Variants in UBE4A observed in about 807,000 individuals in gnomAD.
UBE4A encodes the protein ubiquitin conjugation factor E4 A.
A neutral mutation model predicts 117.9 loss-of-function variants in UBE4A; 48 were observed. The ratio of observed to expected loss-of-function variants is 0.41; its 90% CI spans 0.32 to 0.52. The LOEUF (loss-of-function observed/expected upper bound fraction) is 0.52, where lower values mean the gene tolerates loss of function less well. Ranked by LOEUF, UBE4A falls within the 20% of genes least tolerant of loss-of-function variation. The pLI, the probability that UBE4A is intolerant of heterozygous loss-of-function variation, is 0.33. For missense variants in UBE4A, 1,067 were observed against 1,296.3 expected (o/e 0.82, Z 2.72); for synonymous variants, 407 against 450.0 (o/e 0.90, Z 1.21).
intron 16 of UBE4A, among the ~76,000 whole-genome samples, chr11:118,388,983 A>T (rs987064248): frequency 1.3e-5 from 2 of 151,950 alleles, no homozygotes; most frequent in Non-Finnish European, 2.9e-5. Flanking sequence ...ATAAAAAATA[A>T]TTTTTTTAAA....
chr11:118,376,697 A>C lies in UBE4A; in HGVS notation c.1571+3A>C, dbSNP rs1555125434. 29 of 1,613,304 alleles carry C rather than the reference A, an allele frequency of 1.8e-5. No homozygotes were observed. Among genetic ancestry groups the C allele is most frequent in the Non-Finnish European group, 2.5e-5 (29 of 1,179,690 alleles). On this transcript the variant is annotated splice_donor_region_variant and intron_variant, in intron 10 of 19. Transcript: ENST00000252108. ...ACCTTGTACTTGGGATTTCACAGGT[A>C]ACTCCTCTGATGTCATTAGGAAAAA...
chr11:118,365,633 A>G (rs1948556909), intron 2 of UBE4A, among the ~76,000 whole-genome samples: 1 of 152,248 alleles, frequency 6.6e-6, no homozygotes, highest in Non-Finnish European at 1.5e-5. Context: ...GAAGAACTAT[A>G]AAAGCTTTTT....
At position 118,392,794 on chromosome 11, in the gene UBE4A, G is replaced by A. The variant is rs782033596; in HGVS notation, c.2973G>A (p.Glu991=). ...AAACCTATGCAGATGCCTGTGATGA[G>A]TTCCTGGATCCCATTATGAGCACAC... ...EEETYADACD[E]FLDPIMSTLM... The change falls in exon 19 of 20, where the codon GAG becomes GAA. Residue 991 remains glutamate, a synonymous_variant. Coordinates refer to ENST00000252108, the MANE Select transcript of UBE4A (RefSeq NM_001204077.2). 3 of 1,614,008 alleles carry A rather than the reference G, an allele frequency of 1.9e-6. No homozygotes were observed. In the African/African-American group the frequency reaches 4.0e-5, roughly 22 times the overall value.
intron 9 of UBE4A, 60 bp from the exon 10 acceptor site, chr11:118,376,514 T>C (rs1948653731): frequency 6.3e-7 from 1 of 1,592,582 alleles, no homozygotes; most frequent in South Asian, 1.1e-5. Context: ...ATTGAATGAG[T>C]GTAAGAGGAG....
intron 15 of UBE4A, among the ~76,000 whole-genome samples, chr11:118,385,798 T>A (rs1555127105): frequency 6.6e-6 from 1 of 152,226 alleles, no homozygotes; most frequent in Non-Finnish European, 1.5e-5. Context: ...GATTTCTTCA[T>A]AATCCTACGC....
intron 1 of UBE4A, among the ~76,000 whole-genome samples, chr11:118,362,209 G>A (rs1212482296): frequency 1.3e-5 from 2 of 152,202 alleles, no homozygotes; most frequent in East Asian, 1.9e-4. Flanking sequence ...TGCAACCTCC[G>A]CCTCCCAGGT....
chr11:118,389,417 ATGTC>A (rs1174594795), intron 16 of UBE4A, among the ~76,000 whole-genome samples: 1 of 152,228 alleles, frequency 6.6e-6, no homozygotes, highest in South Asian at 2.1e-4. Context: ...TGTTTAAAAA[ATGTC>A]TGTGTGTGTG....
chr11:118,392,984 A>T, intron 19 of UBE4A, 89 bp downstream of exon 19: 1 of 1,310,960 alleles, frequency 7.6e-7, no homozygotes, highest in Non-Finnish European at 1.0e-6. Context: ...AGTACTTTGC[A>T]CCCAACACAT....
chr11:118,364,943 G>A (rs1948551042), intron 1 of UBE4A, 97 bp from the exon 2 acceptor site: 2 of 1,147,984 alleles, frequency 1.7e-6, no homozygotes, highest in Admixed American at 3.1e-5. Context: ...ATTTTAAAAT[G>A]TATTGTATTT....
chr11:118,384,155 A>G lies in UBE4A; in HGVS notation c.2198-480A>G, dbSNP rs143737104. On this transcript the variant is annotated intron_variant, in intron 13 of 19. Transcript: ENST00000252108. ...CTCTAGTAATACCTTTGGTATTTCA[A>G]AAGCAGTATAAGCCTCAGATTTTTA... Among the ~76,000 whole-genome samples, 212 of 152,322 alleles carry G rather than the reference A, an allele frequency of 1.4e-3. 1 individual carries two copies. The highest frequency in any genetic ancestry group is 4.6e-3 in the African/African-American group (191 of 41,568).
intron 2 of UBE4A, among the ~76,000 whole-genome samples, chr11:118,366,656 C>T (rs1280095320): frequency 1.3e-5 from 2 of 152,232 alleles, no homozygotes; most frequent in Non-Finnish European, 2.9e-5. Flanking sequence ...ACTGAAACAA[C>T]TCTTACTTTG....
rs1555126506 is a variant in UBE4A at position 118,382,622 on chromosome 11, A to C, written c.2043A>C (p.Ala681=). ...ATCCCCACCTGAGGGCCAAACTAGC[A>C]GAGGTGTTGGAAGCAGTGATGCCCC... is the stretch of plus-strand genomic sequence containing the variant. ...MKNPHLRAKL[A]EVLEAVMPHL... The change falls in exon 13 of 20, where the codon GCA becomes GCC. Residue 681 remains alanine (A), a synonymous_variant. Transcript: ENST00000252108. The C allele has an allele frequency of 1.3e-6, 2 of 1,579,288 alleles. No individual in the cohort carries two copies. The highest frequency in any genetic ancestry group is 1.7e-6 in the Non-Finnish European group (2 of 1,157,912).
intron 11 of UBE4A, among the ~76,000 whole-genome samples, chr11:118,380,755 T>C (rs1199767644): frequency 6.6e-6 from 1 of 152,108 alleles, no homozygotes; most frequent in African/African-American, 2.4e-5. Context: ...CCCAGTCATG[T>C]GGTTGTTGAC....
chr11:118,368,086 A>C (rs1184065238), intron 2 of UBE4A, among the ~76,000 whole-genome samples: 3 of 152,180 alleles, frequency 2.0e-5, no homozygotes, highest in Non-Finnish European at 2.9e-5. Context: ...GCTGATTAAA[A>C]GGCAAGCTGA....
rs187083625 is a variant in UBE4A at position 118,388,414 on chromosome 11, G to A, written c.2588-1311G>A. Among the ~76,000 whole-genome samples, 193 of 151,996 alleles carry A rather than the reference G, an allele frequency of 1.3e-3. 1 individual carries two copies. The highest frequency in any genetic ancestry group is 4.5e-3 in the African/African-American group (187 of 41,460). ...GCCTGTAATCCCAGCACTTTGGGAG[G>A]TCGAGGCAAGCAGATCACAAGGTCA... On this transcript the variant is annotated intron_variant, in intron 16 of 19. Coordinates refer to ENST00000252108, the MANE Select transcript of UBE4A (RefSeq NM_001204077.2).
At position 118,392,749 on chromosome 11, in the gene UBE4A, C is replaced by T. The variant is rs111406616; in HGVS notation, c.2928C>T (p.Asp976=). The T allele has an allele frequency of 5.0e-6, 8 of 1,613,760 alleles. No individual in the cohort carries two copies. Among genetic ancestry groups the T allele is most frequent in the African/African-American group, 2.7e-5 (2 of 74,900 alleles). The change falls in exon 19 of 20, where the codon GAC becomes GAT. Residue 976 remains aspartate (D), a synonymous_variant. Transcript: ENST00000252108. The stretch of plus-strand genomic sequence containing the variant: ...TGTTGTATACTCAGTCTCTTGCAGA[C>T]CTCCAACAACAGGAAGAGGAAACCT... ...NLAERIKSLA[D]LQQQEEETYA...
chr11:118,391,765 G>A (rs1565540239), intron 18 of UBE4A, among the ~76,000 whole-genome samples: 1 of 150,736 alleles, frequency 6.6e-6, no homozygotes, highest in Non-Finnish European at 1.5e-5. Context: ...CTGCACTCCC[G>A]CCTGGGCAAA....
At chr11:118,383,182 A>G (rs1271038513) in intron 13 of UBE4A, among the ~76,000 whole-genome samples, 1 of 152,224 alleles carries the variant, frequency 6.6e-6, no homozygotes, top group Non-Finnish European at 1.5e-5. Flanking sequence ...TTGGGTCTTT[A>G]TATTTCTCTG....
rs116567646 is a variant in UBE4A, at chr11:118,380,252, A to T, written c.1876+502A>T. 4.4e-3 allele frequency among the ~76,000 whole-genome samples: 667 copies of T among 151,794 alleles called. 5 individuals carry two copies. Among genetic ancestry groups the T allele is most frequent in the African/African-American group, 0.013 (534 of 41,340 alleles). On this transcript the variant is annotated intron_variant, in intron 11 of 19. Coordinates refer to ENST00000252108, the MANE Select transcript of UBE4A (RefSeq NM_001204077.2). ...TGTTCTTAACCATTGTATTGGCCAT[A>T]TCATGCTGAGTAACAGATTACCCCA...
Sources: gnomAD v4.1 joint callset for allele counts (sites outside exome capture counted in the v4.1 genomes callset) on GRCh38, gnomAD v4.1.1 for gene constraint, MANE v1.5 for transcripts, NCBI Gene and HGNC (gene_info 2026-07-23, HGNC 2026-07-21) for gene names.